ANK2: variants seen among roughly 807,000 people sequenced by gnomAD.
ANK2 encodes the protein ankyrin 2.
Under a neutral mutation model 360.5 loss-of-function variants are expected in ANK2, and 83 were observed. That is an observed-to-expected ratio of 0.23 (90% CI 0.19 to 0.28). The LOEUF (loss-of-function observed/expected upper bound fraction) is 0.28. Ranked by LOEUF, ANK2 falls within the 10% of genes least tolerant of loss-of-function variation. The probability of loss-of-function intolerance (pLI) is 1.00; values close to 1 mark genes in which losing one functional copy is unlikely to be tolerated. For synonymous variants in ANK2, 1,740 were observed against 1,759.5 expected, an observed-to-expected ratio of 0.99 and a Z score of 0.28; for missense variants, 4,201 against 4,795.7, an observed-to-expected ratio of 0.88 and a Z score of 3.66.
intron 2 of ANK2, among the ~76,000 whole-genome samples, chr4:112,979,128 G>C (rs1261978763): frequency 6.6e-6 from 1 of 152,222 alleles, no homozygotes; most frequent in Non-Finnish European, 1.5e-5. Context: ...TGGCCCAGCA[G>C]GCTGTGCTTG....
the ANK2 span, among the ~76,000 whole-genome samples, chr4:112,763,806 T>C: frequency 6.6e-6 from 1 of 151,756 alleles, no homozygotes; most frequent in East Asian, 2.0e-4. Flanking sequence ...AGGCGTGAGC[T>C]ACCGTGCCCG....
chr4:113,363,108 C>G (rs917568171), intron 39 of ANK2, among the ~76,000 whole-genome samples: 3 of 152,140 alleles, frequency 2.0e-5, no homozygotes, highest in Non-Finnish European at 2.9e-5. Flanking sequence ...CTCACACTTA[C>G]TATTTTCACT....
intron 1 of ANK2, among the ~76,000 whole-genome samples, chr4:113,173,373 G>A (rs1380457881): frequency 6.6e-6 from 1 of 152,178 alleles, no homozygotes; most frequent in Non-Finnish European, 1.5e-5. Flanking sequence ...GGGAGGCAGT[G>A]TAGCCTAGTG....
the ANK2 span, chr4:112,738,778 G>A: frequency 3.2e-6 from 2 of 622,534 alleles, no homozygotes; most frequent in Admixed American, 1.8e-5. Flanking sequence ...CGTAACTGGT[G>A]GAAACCCAGA....
intron 2 of ANK2, among the ~76,000 whole-genome samples, chr4:112,957,788 A>G (rs554002771): frequency 6.7e-6 from 1 of 148,202 alleles, no homozygotes; most frequent in African/African-American, 2.6e-5. Flanking sequence ...GGGGCTCCTC[A>G]CTTCTCAGAC....
the ANK2 span, among the ~76,000 whole-genome samples, chr4:112,717,897 A>C: frequency 6.6e-6 from 1 of 152,208 alleles, no homozygotes; most frequent in African/African-American, 2.4e-5. Context: ...AGAAAATCTT[A>C]TCTCTCTTTC....
At chr4:112,954,347 A>G (rs1432950827) in intron 2 of ANK2, among the ~76,000 whole-genome samples, 10 of 152,066 alleles carry the variant, frequency 6.6e-5, no homozygotes, top group African/African-American at 2.4e-4. Context: ...TCTTTCATTA[A>G]GTTATTTTCT....
chr4:112,736,185 G>A, the ANK2 span, among the ~76,000 whole-genome samples: 3 of 152,078 alleles, frequency 2.0e-5, no homozygotes, highest in Non-Finnish European at 4.4e-5. Context: ...AACCAGGGCT[G>A]GGCGCGGTGG....
intron 18 of ANK2, among the ~76,000 whole-genome samples, chr4:113,287,306 C>T (rs2065152976): frequency 1.3e-5 from 2 of 152,058 alleles, no homozygotes; most frequent in African/African-American, 4.8e-5. Context: ...GAAATACATG[C>T]CATTTGAAAG....
At chr4:112,778,592 A>G in the ANK2 span, among the ~76,000 whole-genome samples, 2 of 152,218 alleles carry the variant, frequency 1.3e-5, no homozygotes, top group Non-Finnish European at 2.9e-5. Context: ...CCTTCTCCTT[A>G]AAGAGTTTGT....
rs2098790767 is a variant in ANK2, at chr4:113,198,946, G to A, written c.286-65G>A. 5 of 1,322,956 alleles carry A rather than the reference G, an allele frequency of 3.8e-6. No individual in the cohort carries two copies. The Admixed American group carries it at 8.4e-5, about 22-fold the overall frequency. 82.0% of individuals were successfully genotyped at this position (1,322,956 alleles called of 1,614,324 possible). On this transcript the variant is annotated intron_variant, in intron 3 of 45. Transcript: ENST00000357077. ...TGATTAGTGAAGTTGAAAAATGCCT[G>A]CACATTTTGATTTCTGCAAAATTCA...
chr4:113,182,946 G>GA (rs1329951668), intron 2 of ANK2, among the ~76,000 whole-genome samples: 1 of 151,906 alleles, frequency 6.6e-6, no homozygotes, highest in Non-Finnish European at 1.5e-5. Context: ...AACAGGGAAG[G>GA]AAAAATAAAT....
At chr4:113,336,079 A>G in intron 30 of ANK2, 22 bp downstream of exon 30, 1 of 1,606,762 alleles carries the variant, frequency 6.2e-7, no homozygotes, top group African/African-American at 1.3e-5. Flanking sequence ...TTAGATGCAA[A>G]TGATCCTAAC....
intron 2 of ANK2, among the ~76,000 whole-genome samples, chr4:112,942,353 A>G (rs982413592): frequency 3.3e-5 from 5 of 152,106 alleles, no homozygotes; most frequent in African/African-American, 1.2e-4. Flanking sequence ...GTCAGTGCTC[A>G]ATATTTGTCG....
At chr4:113,364,369 T>C (rs1160471741) in intron 40 of ANK2, among the ~76,000 whole-genome samples, 2 of 152,204 alleles carry the variant, frequency 1.3e-5, no homozygotes, top group African/African-American at 2.4e-5. Context: ...TGAACTACTG[T>C]AAGCAAATGA....
chr4:113,271,674 A>C (rs1222992723), intron 14 of ANK2, among the ~76,000 whole-genome samples: 1 of 152,248 alleles, frequency 6.6e-6, no homozygotes, highest in Non-Finnish European at 1.5e-5. Flanking sequence ...TCATGGGTCT[A>C]AGTCATATGT....
intron 1 of ANK2, among the ~76,000 whole-genome samples, chr4:113,087,241 C>A (rs2154351183): frequency 6.6e-6 from 1 of 152,162 alleles, no homozygotes; most frequent in Admixed American, 6.5e-5. Flanking sequence ...ACAGAGAGAG[C>A]AGCACATGGT....
At chr4:113,270,404 T>A (rs2058057512) in intron 14 of ANK2, among the ~76,000 whole-genome samples, 1 of 152,074 alleles carries the variant, frequency 6.6e-6, no homozygotes, top group Non-Finnish European at 1.5e-5. Flanking sequence ...GGCAACAGAG[T>A]CTTTCCTTTA....
At chr4:113,093,394 C>G (rs1176169231) in intron 1 of ANK2, among the ~76,000 whole-genome samples, 1 of 152,078 alleles carries the variant, frequency 6.6e-6, no homozygotes, top group South Asian at 2.1e-4. Context: ...TGGAGTCTTG[C>G]TCTGTCACCC....
Sources: allele counts gnomAD v4.1 joint callset (sites outside exome capture counted in the v4.1 genomes callset), GRCh38; gene constraint gnomAD v4.1.1; transcripts MANE v1.5; gene names NCBI Gene and HGNC (gene_info 2026-07-23, HGNC 2026-07-21).